The following NEB variants were observed in gnomAD, a reference collection of about 807,000 sequenced individuals.
NEB encodes nemaline myopathy type 2.
NEB carries 512 observed loss-of-function variants against 952.2 expected under a neutral mutation model. That is an observed-to-expected ratio of 0.54 (90% confidence interval 0.50 to 0.58). The LOEUF is 0.58. Among genes scored for constraint, NEB ranks in the 20% least tolerant of loss-of-function variants. The pLI is 0.00. For missense variants in NEB, 8,428 were observed against 9,231.1 expected (o/e 0.91, Z 3.56); for synonymous variants, 2,900 against 3,149.8 (o/e 0.92, Z 2.66).
At chr2:151,548,659 G>A (rs781347339) in intron 130 of NEB, among the ~76,000 whole-genome samples, 4 of 152,146 alleles carry the variant, frequency 2.6e-5, no homozygotes, top group South Asian at 2.1e-4. Flanking sequence ...TCTGTTTGTC[G>A]GAAGGTATGC....
At chr2:151,720,020 C>T (rs931966448) in intron 9 of NEB, among the ~76,000 whole-genome samples, 31 of 151,960 alleles carry the variant, frequency 2.0e-4, no homozygotes, top group Middle Eastern at 3.2e-3. Flanking sequence ...GTATGACATC[C>T]TGCCAAGAAG....
intron 155 of NEB, 36 bp from the exon 156 acceptor site, chr2:151,518,458 AG>A (rs1205382375): frequency 7.8e-7 from 1 of 1,276,398 alleles, no homozygotes; most frequent in East Asian, 2.3e-5. Flanking sequence ...ACATTGATGG[AG>A]AAGCTGCTCA....
In NEB at chr2:151,549,030, A is replaced by G. The variant is rs376494214; in HGVS notation, c.20049+606T>C. On this transcript the variant is annotated intron_variant, in intron 130 of 181. Coordinates refer to ENST00000397345, the MANE Select transcript of NEB (RefSeq NM_001164508.2). ...TAAGCCTTCCCCATGGGGTAAATGC[A>G]TCAAGTCCCAGTTGAGTACTTGTGA... 3.5e-3 allele frequency among the ~76,000 whole-genome samples: 537 copies of G among 152,296 alleles called. 2 individuals are homozygous for G. Among genetic ancestry groups the G allele is most frequent in the Non-Finnish European group, 5.6e-3 (378 of 68,022 alleles).
intron 52 of NEB, among the ~76,000 whole-genome samples, chr2:151,652,073 G>A (rs1302546633): frequency 1.3e-5 from 2 of 152,126 alleles, no homozygotes; most frequent in Non-Finnish European, 2.9e-5. Flanking sequence ...CCTATCAAGT[G>A]GAAGTGGAAA....
chr2:151,488,478 CAAAAAAA>C (rs567755362), intron 181 of NEB, among the ~76,000 whole-genome samples: 6 of 95,762 alleles, frequency 6.3e-5, no homozygotes, highest in African/African-American at 1.2e-4. Flanking sequence ...GAGCCTCTAC[CAAAAAAA>C]AAAAAAAAAA....
chr2:151,620,708 C>A (rs76321692), intron 72 of NEB, among the ~76,000 whole-genome samples: 3,164 of 152,046 alleles, frequency 0.021, 290 homozygotes, highest in Admixed American at 0.17. Context: ...GAGCAAAGAT[C>A]AAAAATAAGG....
chr2:151,573,674 C>A (rs957895979), intron 107 of NEB, among the ~76,000 whole-genome samples: 3 of 152,184 alleles, frequency 2.0e-5, no homozygotes, highest in Admixed American at 1.3e-4. Context: ...ACATATTATT[C>A]TTTTGAAAGC....
intron 70 of NEB, among the ~76,000 whole-genome samples, chr2:151,625,890 G>A (rs2098512826): frequency 6.6e-6 from 1 of 152,086 alleles, no homozygotes; most frequent in African/African-American, 2.4e-5. Context: ...ACACCCACGT[G>A]TGTGTGTTTG....
chr2:151,665,426 C>T lies in NEB; in HGVS notation c.5145G>A (p.Lys1715=). ...KKAGEILSEK[K]YRQHPEKLKF... ...TCAGCTTCTCGGGGTGCTGGCGATA[C>T]TTCTTCTCACTAAGAATCTCTCCTG... is the stretch of plus-strand genomic sequence containing the variant. The change falls in exon 42 of 182, where the codon AAG becomes AAA. Residue 1715 remains lysine (K), a synonymous_variant. Transcript: ENST00000397345. 1 of 1,613,744 alleles carries T rather than the reference C, an allele frequency of 6.2e-7. No homozygotes were observed. Among genetic ancestry groups the T allele is most frequent in the African/African-American group, 1.3e-5 (1 of 75,018 alleles).
chr2:151,519,875 GA>G, intron 153 of NEB, 107 bp from the exon 154 acceptor site: 1 of 686,378 alleles, frequency 1.5e-6, no homozygotes, highest in Non-Finnish European at 2.6e-6. Context: ...TACATAGAGT[GA>G]TCATATAATC....
chr2:151,530,370 T>TA, intron 145 of NEB, among the ~76,000 whole-genome samples: 1 of 152,274 alleles, frequency 6.6e-6, no homozygotes, highest in South Asian at 2.1e-4. Context: ...TTGCTCTTCT[T>TA]AAATTTCAGG....
intron 56 of NEB, 88 bp downstream of exon 56, chr2:151,644,380 A>C: frequency 7.7e-7 from 1 of 1,296,572 alleles, no homozygotes; most frequent in Non-Finnish European, 1.1e-6. Context: ...GTTACCCCTT[A>C]GATTTTGTTC....
chr2:151,695,437 G>T, intron 18 of NEB, 141 bp downstream of exon 18: 1 of 667,154 alleles, frequency 1.5e-6, no homozygotes, highest in Non-Finnish European at 2.6e-6. Context: ...TATACTGGCA[G>T]AGGCATAGCA....
At chr2:151,660,317 G>A (rs9287990) in intron 46 of NEB, among the ~76,000 whole-genome samples, 40,567 of 151,958 alleles carry the variant, frequency 0.27, 7,219 homozygotes, top group East Asian at 0.54. Flanking sequence ...TCATCTTAGC[G>A]TCTCCTTTCA....
chr2:151,565,501 A>G lies in NEB; in HGVS notation c.18366T>C (p.Asp6122=). The G allele has an allele frequency of 6.4e-7, 1 of 1,570,526 alleles. No individual in the cohort carries two copies. Among genetic ancestry groups the G allele is most frequent in the Non-Finnish European group, 8.7e-7 (1 of 1,144,446 alleles). The change falls in exon 116 of 182, where the codon GAT becomes GAC. Residue 6122 remains aspartate (D), a splice_region_variant and synonymous_variant. Transcript: ENST00000397345. ...LAKINSVNQS[D]VKYKETFNKA... ...TTCAGCATGCACAAAGCAAACTTAC[A>G]TCACTTTGATTGACAGAATTAATCT...
rs556105905 is a variant in NEB at position 151,643,609 on chromosome 2, C to T, written c.7956+209G>A. On this transcript the variant is annotated intron_variant, in intron 57 of 181. Coordinates refer to ENST00000397345, the MANE Select transcript of NEB (RefSeq NM_001164508.2). ...GACTCAATCCTTTGATTGTCTAGCT[C>T]GACAATCTAGAGGCTTCCACCAAAG... 5.9e-5 allele frequency among the ~76,000 whole-genome samples: 9 copies of T among 152,250 alleles called. No homozygotes were observed. In the South Asian group the frequency reaches 1.0e-3, roughly 18 times the overall value.
At chr2:151,518,209 A>G (rs2079303405) in intron 156 of NEB, 109 bp downstream of exon 156, 4 of 828,476 alleles carry the variant, frequency 4.8e-6, no homozygotes, top group Non-Finnish European at 8.5e-6. Context: ...AAAACCCCTT[A>G]TATCTTTGTG....
intron 161 of NEB, among the ~76,000 whole-genome samples, chr2:151,510,587 A>G (rs936412360): frequency 6.6e-6 from 1 of 152,066 alleles, no homozygotes; most frequent in Non-Finnish European, 1.5e-5. Context: ...ATTCTGAGGG[A>G]GAGAGAGAGA....
chr2:151,693,454 A>AC (rs2099573835), intron 20 of NEB, among the ~76,000 whole-genome samples: 1 of 135,714 alleles, frequency 7.4e-6, no homozygotes, highest in African/African-American at 2.8e-5. Context: ...TGTGTGTTGC[A>AC]CCCCCCATGT....
Sources: gnomAD v4.1 joint callset for allele counts (sites outside exome capture counted in the v4.1 genomes callset) on GRCh38, gnomAD v4.1.1 for gene constraint, MANE v1.5 for transcripts, NCBI Gene and HGNC (gene_info 2026-07-23, HGNC 2026-07-21) for gene names.